The following NEK5 variants were observed in gnomAD, a reference collection of about 807,000 sequenced individuals.
NEK5 encodes NIMA related kinase 5, also known as serine/threonine-protein kinase Nek5.
Under a neutral mutation model 109.2 loss-of-function variants are expected in NEK5, and 88 were observed. That is an observed-to-expected ratio of 0.81 (90% CI 0.68 to 0.96). The LOEUF (loss-of-function observed/expected upper bound fraction) is 0.96, where lower values mean the gene tolerates loss of function less well. Among genes scored for constraint, NEK5 ranks in the 40% least tolerant of loss-of-function variants. NEK5 has a pLI of 0.00. For missense variants in NEK5, 834 were observed against 920.7 expected (o/e 0.91, Z 1.22); for synonymous variants, 283 against 299.9 (o/e 0.94, Z 0.58).
chr13:52,057,647 A>G (rs1177100391), intron 22 of NEK5, among the ~76,000 whole-genome samples: 4 of 152,216 alleles, frequency 2.6e-5, no homozygotes, highest in African/African-American at 9.7e-5. Context: ...GTTCAATAAT[A>G]TACGCAAATC....
At chr13:52,118,229 G>C (rs1307117302) in intron 4 of NEK5, among the ~76,000 whole-genome samples, 1 of 152,160 alleles carries the variant, frequency 6.6e-6, no homozygotes, top group Non-Finnish European at 1.5e-5. Flanking sequence ...AAGATATTGA[G>C]GTTAACACTT....
chr13:52,058,558 C>T (rs1173942096), intron 22 of NEK5, among the ~76,000 whole-genome samples: 1 of 152,064 alleles, frequency 6.6e-6, no homozygotes, highest in Non-Finnish European at 1.5e-5. Context: ...AACTATACTA[C>T]AAGGCTACAG....
chr13:52,087,621 A>T (rs535218297), intron 14 of NEK5, among the ~76,000 whole-genome samples, 167 bp from the exon 15 acceptor site: 2 of 152,192 alleles, frequency 1.3e-5, no homozygotes, highest in East Asian at 3.9e-4. Context: ...ATAAAGCATT[A>T]AAAAATATAT....
chr13:52,099,971 T>C, intron 11 of NEK5, 95 bp from the exon 12 acceptor site: 1 of 925,624 alleles, frequency 1.1e-6, no homozygotes, highest in Non-Finnish European at 1.6e-6. Context: ...CTACATTTCA[T>C]AACACAGTAA....
Position 52,035,479 on chromosome 13 carries a change from C to G in NEK5, c.*1469G>C, listed in dbSNP as rs906882983. 5 of 152,164 alleles carry G rather than the reference C, an allele frequency of 3.3e-5. No individual in the cohort carries two copies. Among genetic ancestry groups the G allele is most frequent in the African/African-American group, 9.7e-5 (4 of 41,442 alleles). The allele number at this position is 152,164 out of a possible 1,614,324, so 9.4% of individuals were successfully genotyped here. On this transcript the variant is annotated 3_prime_UTR_variant, in exon 24 of 24. Coordinates refer to ENST00000684899, the MANE Select transcript of NEK5 (RefSeq NM_001365552.1). Reference sequence around the variant, plus strand: ...CCACCCTGAAATGTAACCACCCTCTCCTTCCTAAGCCCAGACATACTCCTT... The same window carrying G: ...CCACCCTGAAATGTAACCACCCTCTGCTTCCTAAGCCCAGACATACTCCTT...
In NEK5 at chr13:52,037,188, TCTCAA is replaced by T. The variant is rs1442276917; in HGVS notation, c.2254_2258del (p.Leu752ArgfsTer2). On this transcript the variant is annotated frameshift_variant, in exon 24 of 24. Coordinates refer to ENST00000684899, the MANE Select transcript of NEK5 (RefSeq NM_001365552.1). LOFTEE classifies it high-confidence loss of function. ...TTTCTAAGTATTCTACTACTTCATC[TCTCAA>T]CTCATCTTCAGATTCTTCAAAATTT... is the stretch of plus-strand genomic sequence containing the variant. 8 of 984,664 alleles carry T rather than the reference TCTCAA, an allele frequency of 8.1e-6. No homozygotes were observed. The highest frequency in any genetic ancestry group is 9.4e-5 in the South Asian group (2 of 21,274). The allele number at this position is 984,664 out of a possible 1,614,324, so 61.0% of individuals were successfully genotyped here. A position where few individuals can be genotyped will look rare whatever the true frequency, so the allele number is the denominator to read the frequency against.
chr13:52,037,759 T>C (rs1482492910), intron 23 of NEK5, among the ~76,000 whole-genome samples: 2 of 152,072 alleles, frequency 1.3e-5, no homozygotes, highest in Non-Finnish European at 2.9e-5. Flanking sequence ...CCGTCTCTAC[T>C]AAAAATACAA....
In NEK5 at chr13:52,074,076, T is replaced by C. The variant is rs1954825892; in HGVS notation, c.1722+1682A>G. Among the ~76,000 whole-genome samples the C allele has an allele frequency of 2.0e-5, 3 of 152,012 alleles. No individual in the cohort carries two copies. The South Asian group carries it at 6.2e-4, about 32-fold the overall frequency. On this transcript the variant is annotated intron_variant, in intron 19 of 23. Coordinates refer to ENST00000684899, the MANE Select transcript of NEK5 (RefSeq NM_001365552.1). Reference sequence around the variant, plus strand: ...CCAAAGTAATCTATAGATTCAACACTATTCCTGTCAAACTACCAATGTAAC... The same window carrying C: ...CCAAAGTAATCTATAGATTCAACACCATTCCTGTCAAACTACCAATGTAAC...
intron 3 of NEK5, among the ~76,000 whole-genome samples, chr13:52,126,463 G>A (rs1956065257): frequency 6.6e-6 from 1 of 152,192 alleles, no homozygotes; most frequent in Non-Finnish European, 1.5e-5. Context: ...AGTAATTGCA[G>A]AGCATTATAC....
chr13:52,104,690 T>C (rs1341961722), intron 8 of NEK5, 138 bp from the exon 9 acceptor site: 1 of 670,572 alleles, frequency 1.5e-6, no homozygotes, highest in East Asian at 2.6e-5. Context: ...CTTTCAGATA[T>C]ATCATCAATT....
At chr13:52,044,679 A>G (rs1389630891) in intron 23 of NEK5, among the ~76,000 whole-genome samples, 3 of 152,208 alleles carry the variant, frequency 2.0e-5, no homozygotes, top group African/African-American at 7.2e-5. Flanking sequence ...AAAGCCCAAG[A>G]TAGAGAAGGG....
chr13:52,091,664 T>A (rs1439607116), intron 13 of NEK5, among the ~76,000 whole-genome samples: 4 of 152,074 alleles, frequency 2.6e-5, no homozygotes, highest in African/African-American at 9.7e-5. Flanking sequence ...ACAAAAAAAA[T>A]TGATGACAAA....
rs1270478533 is a variant in NEK5, at chr13:52,065,424, C to T, written c.1975+60G>A. On this transcript the variant is annotated intron_variant, in intron 21 of 23. Transcript: ENST00000684899. The stretch of plus-strand genomic sequence containing the variant: ...GTAGACTATCACATCAGGATGAGCA[C>T]TGGGCTGTACGGGTCCTTGGTCTTC... 6.2e-7 allele frequency: 1 copy of T among 1,612,318 alleles called. No individual in the cohort carries two copies. The highest frequency in any genetic ancestry group is 1.7e-5 in the Admixed American group (1 of 60,010).
chr13:52,055,343 G>A (rs1256952853), intron 22 of NEK5, among the ~76,000 whole-genome samples: 5 of 152,130 alleles, frequency 3.3e-5, no homozygotes, highest in Admixed American at 6.5e-5. Context: ...TGAAAGTGAT[G>A]GGGAGAATGG....
At chr13:52,065,793 T>TTA (rs947162088) in intron 20 of NEK5, among the ~76,000 whole-genome samples, 184 bp from the exon 21 acceptor site, 10 of 152,236 alleles carry the variant, frequency 6.6e-5, no homozygotes, top group Admixed American at 5.9e-4. Context: ...TGTTTTACTT[T>TTA]TACTCTTAGT....
chr13:52,058,324 C>T (rs1277218500), intron 22 of NEK5, among the ~76,000 whole-genome samples: 1 of 147,258 alleles, frequency 6.8e-6, no homozygotes, highest in Non-Finnish European at 1.5e-5. Flanking sequence ...AATGGAAGAA[C>T]ATTCTATGCT....
intron 3 of NEK5, among the ~76,000 whole-genome samples, chr13:52,125,038 A>G (rs1956037368): frequency 6.6e-6 from 1 of 152,218 alleles, no homozygotes; most frequent in Non-Finnish European, 1.5e-5. Context: ...AACCATAAGG[A>G]CACTGATGAC....
At chr13:52,069,791 C>G (rs1157490529) in intron 20 of NEK5, among the ~76,000 whole-genome samples, 1 of 152,204 alleles carries the variant, frequency 6.6e-6, no homozygotes. Context: ...GCCCTCCATG[C>G]CATCCTTTGC....
intron 4 of NEK5, among the ~76,000 whole-genome samples, chr13:52,118,580 G>A (rs9535870): frequency 0.039 from 5,982 of 152,198 alleles, 145 homozygotes; most frequent in South Asian, 0.091. Context: ...ACAGTGATGC[G>A]TGGAGGCAGA....
Sources: gnomAD v4.1 joint callset for allele counts (sites outside exome capture counted in the v4.1 genomes callset) on GRCh38, gnomAD v4.1.1 for gene constraint, MANE v1.5 for transcripts, NCBI Gene and HGNC (gene_info 2026-07-23, HGNC 2026-07-21) for gene names.